ZBTB7A: variants seen among roughly 807,000 people sequenced by gnomAD.
ZBTB7A encodes the protein zinc finger and BTB domain containing 7A, also known as zinc finger and BTB domain-containing protein 7A.
ZBTB7A carries 7 observed loss-of-function variants against 26.7 expected under a neutral mutation model. The observed-to-expected ratio is 0.26, with a 90% CI of 0.15 to 0.49. The LOEUF is 0.49. Ranked by LOEUF, ZBTB7A falls within the 20% of genes least tolerant of loss-of-function variation. ZBTB7A has a pLI of 0.98. For missense variants in ZBTB7A, 617 were observed against 919.5 expected, an observed-to-expected ratio of 0.67 and a Z score of 4.25; for synonymous variants, 452 against 441.0, an observed-to-expected ratio of 1.02 and a Z score of -0.31.
chr19:4,046,584 T>C lies in ZBTB7A; in HGVS notation c.*1168A>G, dbSNP rs965528542. 2 of 150,676 alleles carry C rather than the reference T, an allele frequency of 1.3e-5. No homozygotes were observed. Among genetic ancestry groups the C allele is most frequent in the Non-Finnish European group, 3.0e-5 (2 of 67,648 alleles). The allele number at this position is 150,676 out of a possible 1,614,324, so 9.3% of individuals were successfully genotyped here. ...ATGTGGTTGGTTGCCTTTTTTTTTT[T>C]CCTTCCTTTCATTTTGTAAAACCTT... On this transcript the variant is annotated 3_prime_UTR_variant, in exon 3 of 3. Coordinates refer to ENST00000322357, the MANE Select transcript of ZBTB7A (RefSeq NM_015898.4).
intron 1 of ZBTB7A, among the ~76,000 whole-genome samples, chr19:4,063,376 G>A (rs753505454): frequency 2.0e-5 from 3 of 152,184 alleles, no homozygotes; most frequent in East Asian, 1.9e-4. Flanking sequence ...CTCTGGGGAG[G>A]TGACCTCGGT....
At chr19:4,058,798 C>A (rs945748162) in intron 1 of ZBTB7A, among the ~76,000 whole-genome samples, 3 of 152,182 alleles carry the variant, frequency 2.0e-5, no homozygotes, top group African/African-American at 4.8e-5. Context: ...GCCCTCAGCG[C>A]GGGGCCTGAG....
At position 4,043,362 on chromosome 19, in the gene ZBTB7A, T is replaced by A. The variant is rs1236501697; in HGVS notation, c.*4390A>T. 1.3e-5 allele frequency among the ~76,000 whole-genome samples: 2 copies of A among 151,738 alleles called. No individual in the cohort carries two copies. The highest frequency in any genetic ancestry group is 1.9e-4 in the East Asian group (1 of 5,180). On this transcript the variant is annotated 3_prime_UTR_variant, in exon 3 of 3. Coordinates refer to ENST00000322357, the MANE Select transcript of ZBTB7A (RefSeq NM_015898.4). ...TTTTTTTATGTACAAGAAAAATGAA[T>A]TTTTTTGTTTTTTCATCTTTTGTGT...
At chr19:4,065,243 C>T (rs1230641779) in intron 1 of ZBTB7A, among the ~76,000 whole-genome samples, 1 of 150,884 alleles carries the variant, frequency 6.6e-6, no homozygotes, top group Non-Finnish European at 1.5e-5. Context: ...TCTCTCCGCC[C>T]CCTCCCGCGG....
In ZBTB7A at chr19:4,052,056, G is replaced by A. The variant is rs562279625; in HGVS notation, c.1262+1915C>T. ...CCAGAGCACGGGGTGGGGGAAAAGA[G>A]GAAGCAGGTGGGTCTAAATTGGGGT... On this transcript the variant is annotated intron_variant, in intron 2 of 2. Transcript: ENST00000322357. This position sits in a 1 kb window ranked among gnomAD's most constrained non-coding sequence, Gnocchi z 4.9. Among the ~76,000 whole-genome samples, 2 of 152,252 alleles carry A rather than the reference G, an allele frequency of 1.3e-5. No homozygotes were observed. The highest frequency in any genetic ancestry group is 4.1e-4 in the South Asian group (2 of 4,832).
At chr19:4,064,433 C>A (rs1466155790) in intron 1 of ZBTB7A, among the ~76,000 whole-genome samples, 3 of 152,194 alleles carry the variant, frequency 2.0e-5, no homozygotes, top group African/African-American at 4.8e-5. Context: ...GTGGCCCTCG[C>A]GGACAAACGC....
At position 4,046,049 on chromosome 19, in the gene ZBTB7A, G is replaced by T. The variant is rs1454687010; in HGVS notation, c.*1703C>A. The T allele has an allele frequency of 4.3e-5, 17 of 399,022 alleles. No individual in the cohort carries two copies. The East Asian group carries it at 5.7e-4, about 13-fold the overall frequency. 24.7% of individuals were successfully genotyped at this position (399,022 alleles called of 1,614,324 possible). ...TGGGGGATTGGGGGGTGCCGGATGG[G>T]GATCGGGGTGCTCCGGCTGGAAGGC... On this transcript the variant is annotated 3_prime_UTR_variant, in exon 3 of 3. Transcript: ENST00000322357.
chr19:4,053,787 T>C (rs1231450072), intron 2 of ZBTB7A, among the ~76,000 whole-genome samples, 184 bp downstream of exon 2: 2 of 151,010 alleles, frequency 1.3e-5, no homozygotes, highest in Non-Finnish European at 3.0e-5. Context: ...TGTGTCTGCG[T>C]GTGTGTGGAT....
rs762996648 is a variant in ZBTB7A, at chr19:4,048,005, G to C, written c.1502C>G (p.Pro501Arg). The change falls in exon 3 of 3, where the codon CCC (proline) becomes CGC (arginine). Residue 501 changes from proline (P) to arginine (R), a missense_variant. Around this residue, in one of 5 missense-constraint regions of ZBTB7A, gnomAD observed 27 missense variants for 38.7 expected, o/e 0.70. Coordinates refer to ENST00000322357, the MANE Select transcript of ZBTB7A (RefSeq NM_015898.4). This position sits in a 1 kb window ranked among gnomAD's most constrained non-coding sequence, Gnocchi z 6.7. ...GTCGGGCGCCCCGCCCCGGACGCGGGGCTTGCGGCCGCGGCGCGAGGGGAC... is the reference window on the plus strand; with the variant it reads ...GTCGGGCGCCCCGCCCCGGACGCGGCGCTTGCGGCCGCGGCGCGAGGGGAC... The part of the protein sequence containing the change: ...NGVPSRRGRK[P>R]RVRGGAPDPS... 7.1e-7 allele frequency: 1 copy of C among 1,407,852 alleles called. No homozygotes were observed. The highest frequency in any genetic ancestry group is 1.5e-5 in the South Asian group (1 of 65,100). The allele number at this position is 1,407,852 out of a possible 1,614,324, so 87.2% of individuals were successfully genotyped here.
intron 2 of ZBTB7A, among the ~76,000 whole-genome samples, chr19:4,053,503 G>T (rs536882616): frequency 0.04 from 1,544 of 38,942 alleles, 12 homozygotes; most frequent in Non-Finnish European, 0.044. Context: ...GCGTGCCTGG[G>T]TGTGCGTGTG....
rs1238992743 is a variant in ZBTB7A, at chr19:4,052,384, G to A, written c.1262+1587C>T. Among the ~76,000 whole-genome samples the A allele has an allele frequency of 6.6e-6, 1 of 152,136 alleles. No homozygotes were observed. Among genetic ancestry groups the A allele is most frequent in the Non-Finnish European group, 1.5e-5 (1 of 68,002 alleles). ...CCTCCAGTACCCCAACCTCACCAAG[G>A]AGGGACAAACCACCAGCTACACTGC... On this transcript the variant is annotated intron_variant, in intron 2 of 2. Coordinates refer to ENST00000322357, the MANE Select transcript of ZBTB7A (RefSeq NM_015898.4). This position sits in a 1 kb window ranked among gnomAD's most constrained non-coding sequence, Gnocchi z 4.9.
rs1265208713 is a variant in ZBTB7A, at chr19:4,054,888, C to T, written c.345G>A (p.Glu115=). The T allele has an allele frequency of 1.9e-6, 3 of 1,607,424 alleles. No individual in the cohort carries two copies. The highest frequency in any genetic ancestry group is 2.5e-6 in the Non-Finnish European group (3 of 1,177,202). The part of the protein sequence containing the change: ...GDILSAARLL[E]IPAVSHVCAD... ...CGCACACGTGGCTCACGGCGGGGATCTCCAGCAGGCGGGCGGCGCTGAGGA... is the reference window on the plus strand; with the variant it reads ...CGCACACGTGGCTCACGGCGGGGATTTCCAGCAGGCGGGCGGCGCTGAGGA... The change falls in exon 2 of 3, where the codon GAG becomes GAA. Residue 115 remains glutamate (E), a synonymous_variant. Coordinates refer to ENST00000322357, the MANE Select transcript of ZBTB7A (RefSeq NM_015898.4).
chr19:4,054,681 C>A lies in ZBTB7A; in HGVS notation c.552G>T (p.Pro184=). The A allele has an allele frequency of 1.9e-6, 3 of 1,595,828 alleles. No individual in the cohort carries two copies. The highest frequency in any genetic ancestry group is 1.7e-5 in the Admixed American group (1 of 57,462). ...CATCGGACGCCCCAAAGGCGGACCACGGGAAGCTGGCAGCGGCGGCGGCGG... is the reference window on the plus strand; with the variant it reads ...CATCGGACGCCCCAAAGGCGGACCAAGGGAAGCTGGCAGCGGCGGCGGCGG... ...PAAAAAAASF[P]WSAFGASDDD... is the part of the protein sequence containing the mutation. The change falls in exon 2 of 3, where the codon CCG becomes CCT. Residue 184 remains proline, a synonymous_variant. Coordinates refer to ENST00000322357, the MANE Select transcript of ZBTB7A (RefSeq NM_015898.4).
At chr19:4,051,593 G>A (rs896455177) in intron 2 of ZBTB7A, among the ~76,000 whole-genome samples, 6 of 152,206 alleles carry the variant, frequency 3.9e-5, no homozygotes, top group African/African-American at 1.4e-4. Context: ...CCAACAGAAC[G>A]TGGTAACTTG....
chr19:4,056,888 G>T (rs1844033986), intron 1 of ZBTB7A, among the ~76,000 whole-genome samples: 1 of 151,808 alleles, frequency 6.6e-6, no homozygotes. Context: ...TCAGCCAGGC[G>T]TGGTGGCGCG....
intron 1 of ZBTB7A, among the ~76,000 whole-genome samples, chr19:4,061,152 T>C (rs897069773): frequency 2.6e-5 from 4 of 152,102 alleles, no homozygotes; most frequent in Admixed American, 2.6e-4. Context: ...CCAAAACACA[T>C]TGCCAGGCTG....
rs767860784 is a variant in ZBTB7A, at chr19:4,054,813, G to C, written c.420C>G (p.Ala140=). 1 of 1,596,152 alleles carries C rather than the reference G, an allele frequency of 6.3e-7. No individual in the cohort carries two copies. Among genetic ancestry groups the C allele is most frequent in the Non-Finnish European group, 8.5e-7 (1 of 1,171,230 alleles). The change falls in exon 2 of 3, where the codon GCC becomes GCG. Residue 140 remains alanine (A), a synonymous_variant. Transcript: ENST00000322357. The stretch of plus-strand genomic sequence containing the variant: ...TTTGATCTACAAGGTCCAGCTGCCC[G>C]GCGTCGGCGCCCGCGTCGGCCGCCA... The part of the protein sequence containing the change: ...QILAADAGAD[A]GQLDLVDQID...
In ZBTB7A at chr19:4,045,804, C is replaced by A; in HGVS notation, c.*1948G>T. On this transcript the variant is annotated 3_prime_UTR_variant, in exon 3 of 3. Coordinates refer to ENST00000322357, the MANE Select transcript of ZBTB7A (RefSeq NM_015898.4). The surrounding 1 kb of genome is among the most constrained non-coding windows in gnomAD (Gnocchi z 4.1). ...CCCTGTCCGTGGCCTGTGGCTCGGT[C>A]AACACCGGGCCTTGTGGGAGCCAGA... 1 of 398,226 alleles carries A rather than the reference C, an allele frequency of 2.5e-6. No individual in the cohort carries two copies. The highest frequency in any genetic ancestry group is 4.4e-6 in the Non-Finnish European group (1 of 225,962). 24.7% of individuals were successfully genotyped at this position (398,226 alleles called of 1,614,324 possible).
In ZBTB7A at chr19:4,044,091, T is replaced by C. The variant is rs2040382005; in HGVS notation, c.*3661A>G. 6.6e-6 allele frequency among the ~76,000 whole-genome samples: 1 copy of C among 152,056 alleles called. No individual in the cohort carries two copies. ...GTGTCACCACCTGTGAGGTGACCGC[T>C]CCTGCCACGGCCCCGGGGTCTGAAT... is the stretch of plus-strand genomic sequence containing the variant. On this transcript the variant is annotated 3_prime_UTR_variant, in exon 3 of 3. Coordinates refer to ENST00000322357, the MANE Select transcript of ZBTB7A (RefSeq NM_015898.4).
Sources: gnomAD v4.1 joint callset for allele counts (sites outside exome capture counted in the v4.1 genomes callset) on GRCh38, gnomAD v4.1.1 for gene constraint, gnomAD v4.1.1 regional missense constraint, Gnocchi (gnomAD v3.1) non-coding constraint, MANE v1.5 for transcripts, NCBI Gene and HGNC (gene_info 2026-07-23, HGNC 2026-07-21) for gene names.